The following FAM234B variants were observed in gnomAD, a reference collection of about 807,000 sequenced individuals.
FAM234B encodes protein FAM234B.
In FAM234B, 33 loss-of-function variants were observed where a neutral mutation model predicts 69.3. The ratio of observed to expected loss-of-function variants is 0.48; its 90% CI spans 0.36 to 0.64. The LOEUF (loss-of-function observed/expected upper bound fraction) is 0.64, where lower values mean the gene tolerates loss of function less well. Among genes scored for constraint, FAM234B ranks in the 30% least tolerant of loss-of-function variants. The pLI, the probability that FAM234B is intolerant of heterozygous loss-of-function variation, is 0.00. For synonymous variants in FAM234B, 306 were observed against 306.9 expected, an observed-to-expected ratio of 1.00 and a Z score of 0.03; for missense variants, 697 against 769.7, an observed-to-expected ratio of 0.91 and a Z score of 1.12.
chr12:13,066,934 G>T (rs1391384889), intron 6 of FAM234B, 147 bp downstream of exon 6: 1 of 977,186 alleles, frequency 1.0e-6, no homozygotes, highest in Non-Finnish European at 1.5e-6. Flanking sequence ...GTCCCCCACC[G>T]ATCACAGGCT....
In FAM234B at chr12:13,055,860, TC is replaced by T; in HGVS notation, c.349del (p.Leu117TrpfsTer8). On this transcript the variant is annotated frameshift_variant, in exon 2 of 13. Transcript: ENST00000197268. LOFTEE classifies it high-confidence loss of function. ...CTGCTGACTTTGGGGATCTCGATGATCCTGGTGCTCCTGTGTGCTTTCCTGA... is the reference window on the plus strand; with the variant it reads ...CTGCTGACTTTGGGGATCTCGATGATCTGGTGCTCCTGTGTGCTTTCCTGA... Reference protein sequence around the residue: ...VFLLTLGISMILVLLCAFLIP... With the variant: ...VFLLTLGISMXLVLLCAFLIP... The T allele has an allele frequency of 6.2e-7, 1 of 1,613,928 alleles. No individual in the cohort carries two copies. Among genetic ancestry groups the T allele is most frequent in the Non-Finnish European group, 8.5e-7 (1 of 1,179,982 alleles).
chr12:13,046,328 G>A (rs1007255518), intron 1 of FAM234B, among the ~76,000 whole-genome samples: 2 of 152,016 alleles, frequency 1.3e-5, no homozygotes, highest in African/African-American at 4.8e-5. Context: ...TTTGCATTAG[G>A]TACAAGTTGT....
intron 1 of FAM234B, among the ~76,000 whole-genome samples, chr12:13,048,944 T>C (rs1300828554): frequency 1.3e-5 from 2 of 152,200 alleles, no homozygotes; most frequent in African/African-American, 2.4e-5. Context: ...GTGAGACTTA[T>C]TCACTACCAT....
chr12:13,054,082 G>T (rs2120453119), intron 1 of FAM234B, among the ~76,000 whole-genome samples: 1 of 152,246 alleles, frequency 6.6e-6, no homozygotes, highest in South Asian at 2.1e-4. Flanking sequence ...TTTTCAAGGT[G>T]CACTGATTTC....
At chr12:13,080,050 G>A (rs1228407606) in intron 12 of FAM234B, 41 bp downstream of exon 12, 2 of 1,404,956 alleles carry the variant, frequency 1.4e-6, no homozygotes. Context: ...GAGGGTTTAG[G>A]ACAAATACTA....
In FAM234B at chr12:13,066,816, G is replaced by A. The variant is rs953198718; in HGVS notation, c.1000+29G>A. ...AGAAGCAAGGCTAGTTTTTGCTCCT[G>A]TTCCCCACTGGCATTTGTGATGAGG... is the stretch of plus-strand genomic sequence containing the variant. On this transcript the variant is annotated intron_variant, in intron 6 of 12. Transcript: ENST00000197268. The A allele has an allele frequency of 1.9e-6, 3 of 1,601,592 alleles. No homozygotes were observed. The East Asian group carries it at 6.7e-5, about 36-fold the overall frequency.
At chr12:13,071,880 A>G (rs561288469) in intron 10 of FAM234B, among the ~76,000 whole-genome samples, 136 of 152,238 alleles carry the variant, frequency 8.9e-4, no homozygotes, top group African/African-American at 3.2e-3. Flanking sequence ...AGGTCATTTG[A>G]GGAACTATGG....
At chr12:13,050,347 T>G (rs1864862697) in intron 1 of FAM234B, among the ~76,000 whole-genome samples, 1 of 152,168 alleles carries the variant, frequency 6.6e-6, no homozygotes, top group African/African-American at 2.4e-5. Flanking sequence ...ATTGTTTGGC[T>G]TCTGTATCCT....
chr12:13,069,852 A>G (rs1865084349), intron 9 of FAM234B, among the ~76,000 whole-genome samples: 1 of 152,114 alleles, frequency 6.6e-6, no homozygotes, highest in Non-Finnish European at 1.5e-5. Flanking sequence ...TAAAAACATC[A>G]TGTTAGGGAG....
intron 9 of FAM234B, among the ~76,000 whole-genome samples, chr12:13,069,599 A>C (rs1262961398): frequency 6.6e-6 from 1 of 152,188 alleles, no homozygotes; most frequent in Non-Finnish European, 1.5e-5. Flanking sequence ...GATGGAGTGC[A>C]GGCGAGCTGG....
At position 13,055,687 on chromosome 12, in the gene FAM234B, A is replaced by C. The variant is rs1212489557; in HGVS notation, c.174A>C (p.Pro58=). 1.9e-6 allele frequency: 3 copies of C among 1,614,150 alleles called. No homozygotes were observed. The highest frequency in any genetic ancestry group is 1.7e-5 in the Admixed American group (1 of 60,016). ...KNGKSPLGEA[P]EPDSDAEVAE... The stretch of plus-strand genomic sequence containing the variant: ...GGAAGAGTCCTTTGGGAGAAGCGCC[A>C]GAACCCGACTCAGATGCTGAGGTTG... Residue 58 remains proline, a synonymous_variant, in exon 2 of 13, where the codon CCA becomes CCC. Coordinates refer to ENST00000197268, the MANE Select transcript of FAM234B (RefSeq NM_020853.2).
At chr12:13,075,721 G>T (rs1865151935) in intron 10 of FAM234B, among the ~76,000 whole-genome samples, 1 of 151,000 alleles carries the variant, frequency 6.6e-6, no homozygotes, top group African/African-American at 2.4e-5. Context: ...CTCCTAAAGT[G>T]CTGGGATTAC....
chr12:13,075,114 A>G (rs1346230723), intron 10 of FAM234B, among the ~76,000 whole-genome samples: 1 of 152,188 alleles, frequency 6.6e-6, no homozygotes, highest in African/African-American at 2.4e-5. Context: ...TCTGCTGTAG[A>G]GAGTTTGAAG....
Position 13,046,461 on chromosome 12 carries a change from T to A in FAM234B, c.37+2021T>A, listed in dbSNP as rs866933685. On this transcript the variant is annotated intron_variant, in intron 1 of 12. Transcript: ENST00000197268. ...TGTTTTCTTTGTTTGTTTTTTTGTT[T>A]GTTTGTTTGTTTTTTTGAGACGGAG... Among the ~76,000 whole-genome samples, 3 of 152,236 alleles carry A rather than the reference T, an allele frequency of 2.0e-5. No homozygotes were observed. The South Asian group carries it at 6.2e-4, about 32-fold the overall frequency.
intron 10 of FAM234B, among the ~76,000 whole-genome samples, chr12:13,072,617 C>T (rs966483346): frequency 2.6e-5 from 4 of 151,358 alleles, no homozygotes; most frequent in African/African-American, 9.7e-5. Context: ...GTAATTCCAG[C>T]TATCTGGGAG....
chr12:13,068,350 T>C lies in FAM234B; in HGVS notation c.1189T>C (p.Cys397Arg), dbSNP rs1344241831. 6.2e-7 allele frequency: 1 copy of C among 1,614,090 alleles called. No individual in the cohort carries two copies. Among genetic ancestry groups the C allele is most frequent in the Admixed American group, 1.7e-5 (1 of 59,998 alleles). The change falls in exon 8 of 13, where the codon TGC (cysteine) becomes CGC (arginine). Residue 397 changes from cysteine to arginine, a missense_variant. Physicochemically the swap from Cys to Arg is radical, Grantham distance 180 (BLOSUM62 -3). Transcript: ENST00000197268. ...GATGGTGAAGGCACCAGATTCCAAC[T>C]GCAGCAACCTTCTGATTACAACCAG... is the stretch of plus-strand genomic sequence containing the variant. ...LQMVKAPDSNCSNLLITTRQS... is the reference protein window; with the variant it reads ...LQMVKAPDSNRSNLLITTRQS...
rs752770502 is a variant in FAM234B, at chr12:13,068,696, A to T, written c.1353A>T (p.Gly451=). The change falls in exon 9 of 13, where the codon GGA becomes GGT. Residue 451 remains glycine (G), a synonymous_variant. Transcript: ENST00000197268. ...TLDFLLQIQD[G]VGMKKMMVVD... ...ATTTCCTTCTGCAGATACAGGATGG[A>T]GTTGGGATGAAAAAGGTAAAACTTT... 1.6e-5 allele frequency: 26 copies of T among 1,609,736 alleles called. No individual in the cohort carries two copies. The highest frequency in any genetic ancestry group is 2.1e-5 in the Non-Finnish European group (25 of 1,176,212).
chr12:13,045,458 G>C (rs563132546), intron 1 of FAM234B, among the ~76,000 whole-genome samples: 10 of 152,262 alleles, frequency 6.6e-5, no homozygotes, highest in South Asian at 2.1e-4. Context: ...GGGCTATTTG[G>C]GTTTTGGTTG....
At position 13,076,021 on chromosome 12, in the gene FAM234B, A is replaced by G; in HGVS notation, c.1525-5A>G. 1 of 1,606,022 alleles carries G rather than the reference A, an allele frequency of 6.2e-7. No individual in the cohort carries two copies. Among genetic ancestry groups the G allele is most frequent in the Middle Eastern group, 1.7e-4 (1 of 6,054 alleles). ...TTGCTCTTCCTTTTTGCTGCTTATT[A>G]TCAGGATATCATCCTAGGAACTGAG... On this transcript the variant is annotated splice_polypyrimidine_tract_variant and splice_region_variant and intron_variant, in intron 10 of 12. Transcript: ENST00000197268.
Sources: allele counts gnomAD v4.1 joint callset (sites outside exome capture counted in the v4.1 genomes callset), GRCh38; gene constraint gnomAD v4.1.1; transcripts MANE v1.5; gene names NCBI Gene and HGNC (gene_info 2026-07-23, HGNC 2026-07-21).